PARS2: variants seen among roughly 807,000 people sequenced by gnomAD.
PARS2 encodes probable proline--tRNA ligase, mitochondrial.
PARS2 carries 20 observed loss-of-function variants against 27.4 expected under a neutral mutation model. The observed-to-expected ratio is 0.73, with a 90% confidence interval of 0.51 to 1.06. The LOEUF is 1.06. Among genes scored for constraint, PARS2 ranks in the 50% least tolerant of loss-of-function variants. The pLI is 0.00. For synonymous variants in PARS2, 240 were observed against 247.1 expected, an observed-to-expected ratio of 0.97 and a Z score of 0.27; for missense variants, 585 against 602.1, an observed-to-expected ratio of 0.97 and a Z score of 0.30.
At position 54,758,299 on chromosome 1, in the gene PARS2, G is replaced by A. The variant is rs1311861108; in HGVS notation, c.863C>T (p.Ser288Leu). The A allele has an allele frequency of 6.2e-7, 1 of 1,614,226 alleles. No individual in the cohort carries two copies. Among genetic ancestry groups the A allele is most frequent in the Non-Finnish European group, 8.5e-7 (1 of 1,180,044 alleles). The change falls in exon 2 of 2, where the codon TCA becomes TTA. Residue 288 changes from serine (S) to leucine (L), a missense_variant. Physicochemically the swap from Ser to Leu is moderately radical, Grantham distance 145. Transcript: ENST00000371279. Reference protein sequence around the residue: ...FSANMETLDLSQMNCPACQGP... With the variant: ...FSANMETLDLLQMNCPACQGP... Reference sequence around the variant, plus strand: ...CTGGCAAGCAGGGCAGTTCATTTGTGACAAGTCTAGTGTCTCCATGTTGGC... The same window carrying A: ...CTGGCAAGCAGGGCAGTTCATTTGTAACAAGTCTAGTGTCTCCATGTTGGC...
rs760203526 is a variant in PARS2, at chr1:54,758,948, G to A, written c.214C>T (p.Arg72Trp). 38 of 1,613,878 alleles carry A rather than the reference G, an allele frequency of 2.4e-5. 1 individual carries two copies. Among genetic ancestry groups the A allele is most frequent in the Admixed American group, 1.2e-4 (7 of 59,986 alleles). The change falls in exon 2 of 2, where the codon CGG (arginine) becomes TGG (tryptophan). Residue 72 changes from arginine to tryptophan, a missense_variant. Arg to Trp is a moderately radical substitution (Grantham distance 101, BLOSUM62 -3). Coordinates refer to ENST00000371279, the MANE Select transcript of PARS2 (RefSeq NM_152268.4). ...KSDDLTCKSQ[R>W]LMLQVGLIYP... ...ATCAGGCCCACCTGCAGCATCAGCC[G>A]CTGGCTCTTACAGGTCAGGTCATCA... is the stretch of plus-strand genomic sequence containing the variant.
intron 1 of PARS2, among the ~76,000 whole-genome samples, chr1:54,761,125 C>T (rs534855933): frequency 4.0e-4 from 61 of 152,290 alleles, no homozygotes; most frequent in Non-Finnish European, 5.9e-4. Flanking sequence ...GAACACCCCT[C>T]TCCCCTTTTC....
chr1:54,757,871 G>A lies in PARS2; in HGVS notation c.1291C>T (p.Pro431Ser). The A allele has an allele frequency of 6.2e-7, 1 of 1,614,168 alleles. No homozygotes were observed. Among genetic ancestry groups the A allele is most frequent in the Non-Finnish European group, 8.5e-7 (1 of 1,180,022 alleles). The change falls in exon 2 of 2, where the codon CCC becomes TCC. Residue 431 changes from proline (P) to serine (S), a missense_variant. Transcript: ENST00000371279. ...RLKDANKFGY[P>S]FVIIAGKRAL... ...CTCTTGCCAGCGATTATCACAAAGG[G>A]GTAGCCAAACTTGTTGGCATCTTTC... is the stretch of plus-strand genomic sequence containing the variant.
intron 1 of PARS2, among the ~76,000 whole-genome samples, chr1:54,762,011 G>C (rs1646160068): frequency 6.6e-6 from 1 of 152,108 alleles, no homozygotes; most frequent in African/African-American, 2.4e-5. Context: ...TTTCCCTTAA[G>C]TCCACCCCCT....
At chr1:54,762,961 T>C (rs187679753) in intron 1 of PARS2, among the ~76,000 whole-genome samples, 2 of 152,276 alleles carry the variant, frequency 1.3e-5, no homozygotes, top group African/African-American at 2.4e-5. Flanking sequence ...GCTGACCCAA[T>C]CACTCCCCTG....
chr1:54,763,219 GCA>G (rs1646166783), intron 1 of PARS2, among the ~76,000 whole-genome samples: 1 of 152,076 alleles, frequency 6.6e-6, no homozygotes. Context: ...GTGCTCCACT[GCA>G]CACACCTCTT....
chr1:54,757,686 G>A lies in PARS2; in HGVS notation c.*48C>T. 7.6e-7 allele frequency: 1 copy of A among 1,321,472 alleles called. No individual in the cohort carries two copies. The highest frequency in any genetic ancestry group is 1.9e-5 in the Admixed American group (1 of 53,764). 81.9% of individuals were successfully genotyped at this position (1,321,472 alleles called of 1,614,324 possible). Reference sequence around the variant, plus strand: ...AGGGGTGTAGGAAAATGCAGTGTTAGAACGAACACCAAGGCTGCAAATGGG... The same window carrying A: ...AGGGGTGTAGGAAAATGCAGTGTTAAAACGAACACCAAGGCTGCAAATGGG... On this transcript the variant is annotated 3_prime_UTR_variant, in exon 2 of 2. Coordinates refer to ENST00000371279, the MANE Select transcript of PARS2 (RefSeq NM_152268.4).
Position 54,757,734 on chromosome 1 carries a change from T to C in PARS2, c.1428A>G (p.Ter476=). The stretch of plus-strand genomic sequence containing the variant: ...GGGGGCAGGGGTGGGCTGGGGGCAT[T>C]TAGACAGTCTGCACTGGGGTCAGTA... ...MDLLTPVQTV[*] Residue 476 remains the stop codon, a stop_retained_variant, in exon 2 of 2, where the codon TAA becomes TAG. Transcript: ENST00000371279. 2 of 1,596,982 alleles carry C rather than the reference T, an allele frequency of 1.3e-6. No homozygotes were observed. The highest frequency in any genetic ancestry group is 1.7e-6 in the Non-Finnish European group (2 of 1,168,670).
At position 54,758,006 on chromosome 1, in the gene PARS2, C is replaced by A. The variant is rs1284115720; in HGVS notation, c.1156G>T (p.Ala386Ser). ...TACAGCTGCCCTATGAGCTCGGAGG[C>A]CGCCTGCTCCTTACTGCCCTTCTTA... is the stretch of plus-strand genomic sequence containing the variant. Reference protein sequence around the residue: ...PPKKGSKEQAASELIGQLYDH... With the variant: ...PPKKGSKEQASSELIGQLYDH... Residue 386 changes from alanine (A) to serine (S), a missense_variant, in exon 2 of 2, where the codon GCC becomes TCC. Ala to Ser is a moderately conservative substitution (Grantham distance 99). Coordinates refer to ENST00000371279, the MANE Select transcript of PARS2 (RefSeq NM_152268.4). The A allele has an allele frequency of 6.2e-7, 1 of 1,614,146 alleles. No individual in the cohort carries two copies.
chr1:54,757,318 G>A lies in PARS2; in HGVS notation c.*416C>T, dbSNP rs114984874. 0.01 allele frequency: 1,612 copies of A among 157,672 alleles called. 30 individuals are homozygous for A. Among genetic ancestry groups the A allele is most frequent in the African/African-American group, 0.036 (1,504 of 41,708 alleles). 9.8% of individuals were successfully genotyped at this position (157,672 alleles called of 1,614,324 possible). A position where few individuals can be genotyped will look rare whatever the true frequency, so the allele number is the denominator to read the frequency against. On this transcript the variant is annotated 3_prime_UTR_variant, in exon 2 of 2. Coordinates refer to ENST00000371279, the MANE Select transcript of PARS2 (RefSeq NM_152268.4). ...CTGGATAGAATGTAGCAAAAGGCCC[G>A]TGGTCAAACTGATACGGGGTGGGGA...
In PARS2 at chr1:54,758,648, G is replaced by C. The variant is rs1646136378; in HGVS notation, c.514C>G (p.Leu172Val). ...ITALIASQKK[L>V]SYKQLPFLLY... is the part of the protein sequence containing the mutation. ...AGGAAGGGAAGCTGCTTGTAGGACA[G>C]TTTCTTCTGGGAGGCAATTAAGGCC... The change falls in exon 2 of 2, where the codon CTG becomes GTG. Residue 172 changes from leucine to valine, a missense_variant. By Grantham distance (32) the Leu-to-Val change is conservative. Coordinates refer to ENST00000371279, the MANE Select transcript of PARS2 (RefSeq NM_152268.4). The C allele has an allele frequency of 6.2e-7, 1 of 1,614,228 alleles. No homozygotes were observed. The highest frequency in any genetic ancestry group is 2.2e-5 in the East Asian group (1 of 44,886).
chr1:54,758,351 C>T lies in PARS2; in HGVS notation c.811G>A (p.Ala271Thr). 1 of 1,613,670 alleles carries T rather than the reference C, an allele frequency of 6.2e-7. No homozygotes were observed. Among genetic ancestry groups the T allele is most frequent in the East Asian group, 2.2e-5 (1 of 44,780 alleles). ...GAGAAGCTGCAGCGGGGACAGATGG[C>T]AAGCCGGTCCTCTCCAATATCCACT... is the stretch of plus-strand genomic sequence containing the variant. ...LPVDIGEDRL[A>T]ICPRCSFSAN... The change falls in exon 2 of 2, where the codon GCC (alanine) becomes ACC (threonine). Residue 271 changes from alanine to threonine, a missense_variant. Physicochemically the swap from Ala to Thr is moderately conservative, Grantham distance 58. Coordinates refer to ENST00000371279, the MANE Select transcript of PARS2 (RefSeq NM_152268.4).
rs1557763165 is a variant in PARS2 at position 54,759,139 on chromosome 1, C to T, written c.23G>A (p.Cys8Tyr). 1.3e-6 allele frequency: 2 copies of T among 1,595,648 alleles called. No individual in the cohort carries two copies. The highest frequency in any genetic ancestry group is 2.3e-5 in the East Asian group (1 of 44,440). Residue 8 changes from cysteine (C) to tyrosine (Y), a missense_variant, in exon 2 of 2, where the codon TGC becomes TAC. Transcript: ENST00000371279. ...GGTGGCCAGGGCGGGCAATGCTCTG[C>T]ATCTTGTCAGCAGCCCTTCCATGAC... MEGLLTR[C>Y]RALPALATCS...
rs1052954039 is a variant in PARS2 at position 54,759,170 on chromosome 1, G to A, written c.-9C>T. 15 of 1,571,714 alleles carry A rather than the reference G, an allele frequency of 9.5e-6. No individual in the cohort carries two copies. The African/African-American group carries it at 1.4e-4, about 14-fold the overall frequency. ...GTCAGCAGCCCTTCCATGACACCCT[G>A]GCACCGGGAAGCACAGGCACCTGAG... On this transcript the variant is annotated 5_prime_UTR_variant, in exon 2 of 2. Transcript: ENST00000371279.
Position 54,758,423 on chromosome 1 carries a change from C to A in PARS2, c.739G>T (p.Asp247Tyr). ...ACTGTGCCCCCGATGGTGCCCACATCGGCCTGGACCTTGACAAATGGCAGC... is the reference window on the plus strand; with the variant it reads ...ACTGTGCCCCCGATGGTGCCCACATAGGCCTGGACCTTGACAAATGGCAGC... ...LGLPFVKVQA[D>Y]VGTIGGTVSH... is the part of the protein sequence containing the mutation. The change falls in exon 2 of 2, where the codon GAT becomes TAT. Residue 247 changes from aspartate to tyrosine, a missense_variant. Coordinates refer to ENST00000371279, the MANE Select transcript of PARS2 (RefSeq NM_152268.4). 1 of 1,614,192 alleles carries A rather than the reference C, an allele frequency of 6.2e-7. No homozygotes were observed. Among genetic ancestry groups the A allele is most frequent in the Non-Finnish European group, 8.5e-7 (1 of 1,180,042 alleles).
In PARS2 at chr1:54,759,078, C is replaced by A. The variant is rs11577368; in HGVS notation, c.84G>T (p.Arg28Ser). Residue 28 changes from arginine (R) to serine (S), a missense_variant, in exon 2 of 2, where the codon AGG (arginine) becomes AGT (serine). Physicochemically the swap from Arg to Ser is moderately radical, Grantham distance 110. Transcript: ENST00000371279. ...SRQLSGYVPC[R>S]FHHCAPRRGR... ...CTCTTCTTGGGGCACAGTGGTGAAA[C>A]CTGCAAGGAACATACCCAGAGAGCT... is the stretch of plus-strand genomic sequence containing the variant. 0.15 allele frequency: 243,108 copies of A among 1,613,866 alleles called. 19,199 individuals carry two copies. The highest frequency in any genetic ancestry group is 0.19 in the South Asian group (17,394 of 91,042).
chr1:54,758,418 C>T lies in PARS2; in HGVS notation c.744G>A (p.Val248=). The change falls in exon 2 of 2, where the codon GTG becomes GTA. Residue 248 remains valine (V), a synonymous_variant. Transcript: ENST00000371279. ...GAGACACTGTGCCCCCGATGGTGCC[C>T]ACATCGGCCTGGACCTTGACAAATG... The part of the protein sequence containing the change: ...GLPFVKVQAD[V]GTIGGTVSHE... 1.9e-6 allele frequency: 3 copies of T among 1,614,134 alleles called. No individual in the cohort carries two copies. The South Asian group carries it at 3.3e-5, about 18-fold the overall frequency.
rs537265188 is a variant in PARS2, at chr1:54,763,910, C to T, written c.-30+551G>A. On this transcript the variant is annotated intron_variant, in intron 1 of 1. Transcript: ENST00000371279. ...CTATTATTATTATTATTATGCCCAA[C>T]TCAGAAAAGGGAGGCTCTGAAATAT... Among the ~76,000 whole-genome samples, 12 of 152,346 alleles carry T rather than the reference C, an allele frequency of 7.9e-5. No homozygotes were observed. In the South Asian group the frequency reaches 2.5e-3, roughly 32 times the overall value.
Position 54,757,826 on chromosome 1 carries a change from G to T in PARS2, c.1336C>A (p.His446Asn). 1.2e-6 allele frequency: 2 copies of T among 1,614,130 alleles called. No homozygotes were observed. The highest frequency in any genetic ancestry group is 1.7e-5 in the Admixed American group (1 of 60,020). The change falls in exon 2 of 2, where the codon CAT (histidine) becomes AAT (asparagine). Residue 446 changes from histidine (H) to asparagine (N), a missense_variant. His to Asn is a moderately conservative substitution (Grantham distance 68, BLOSUM62 1). Transcript: ENST00000371279. ...GTGTTCTGACACCAAACCTCAAAAT[G>T]TGCAGGGTCCTCCAGGGCCCTCTTG... ...AGKRALEDPA[H>N]FEVWCQNTGE...
Sources: allele counts gnomAD v4.1 joint callset (sites outside exome capture counted in the v4.1 genomes callset), GRCh38; gene constraint gnomAD v4.1.1; transcripts MANE v1.5; gene names NCBI Gene and HGNC (gene_info 2026-07-23, HGNC 2026-07-21).